DAB1: variants seen among roughly 807,000 people sequenced by gnomAD.
DAB1 encodes disabled homolog 1.
In DAB1, 15 loss-of-function variants were observed where a neutral mutation model predicts 64.6. That is an observed-to-expected ratio of 0.23 (90% confidence interval 0.16 to 0.36). The LOEUF is 0.36. DAB1 is among the 10% of genes least tolerant of loss of function. The pLI is 1.00. For synonymous variants in DAB1, 235 were observed against 251.9 expected (o/e 0.93, Z 0.64); for missense variants, 596 against 706.7 (o/e 0.84, Z 1.78).
At chr1:58,006,913 C>T (rs1038789113) in intron 5 of DAB1, among the ~76,000 whole-genome samples, 1 of 152,166 alleles carries the variant, frequency 6.6e-6, no homozygotes, top group Non-Finnish European at 1.5e-5. Context: ...CTTAATGATG[C>T]CATTCTGCTT....
chr1:57,978,913 A>G (rs1645991730), intron 5 of DAB1, among the ~76,000 whole-genome samples: 1 of 152,152 alleles, frequency 6.6e-6, no homozygotes, highest in Non-Finnish European at 1.5e-5. Flanking sequence ...TCAGGAAACA[A>G]CAGATGCTGG....
intron 4 of DAB1, among the ~76,000 whole-genome samples, chr1:58,204,938 C>G (rs557907888): frequency 6.6e-6 from 1 of 152,306 alleles, no homozygotes; most frequent in African/African-American, 2.4e-5. Flanking sequence ...ATATTAATAA[C>G]TAACATCAGC....
intron 4 of DAB1, among the ~76,000 whole-genome samples, chr1:57,092,807 C>G (rs1459498249): frequency 6.6e-6 from 1 of 151,918 alleles, no homozygotes; most frequent in African/African-American, 2.4e-5. Flanking sequence ...GTCCAAGTAC[C>G]TATATTCTGA....
At chr1:58,344,376 T>G (rs1643971235) in intron 3 of DAB1, among the ~76,000 whole-genome samples, 1 of 152,118 alleles carries the variant, frequency 6.6e-6, no homozygotes, top group South Asian at 2.1e-4. Context: ...TTGCTGACAA[T>G]CACTTCATTT....
chr1:57,844,535 C>A (rs1027578025), intron 1 of DAB1, among the ~76,000 whole-genome samples: 5 of 152,162 alleles, frequency 3.3e-5, no homozygotes, highest in Non-Finnish European at 7.3e-5. Flanking sequence ...AAGACGTCTG[C>A]CAGAGTGATT....
At chr1:57,389,767 G>C (rs1682191095) in intron 1 of DAB1, among the ~76,000 whole-genome samples, 1 of 152,048 alleles carries the variant, frequency 6.6e-6, no homozygotes, top group African/African-American at 2.4e-5. Flanking sequence ...AAATGTATCT[G>C]GCAGGTCACT....
At chr1:58,540,197 C>T (rs1016533544) in intron 1 of DAB1, among the ~76,000 whole-genome samples, 6 of 151,666 alleles carry the variant, frequency 4.0e-5, no homozygotes, top group Non-Finnish European at 7.4e-5. Context: ...AGTCTGAGAC[C>T]GAAAGCTGCT....
chr1:57,498,530 T>C (rs1644255082), intron 7 of DAB1, among the ~76,000 whole-genome samples: 1 of 152,122 alleles, frequency 6.6e-6, no homozygotes. Context: ...AATGCCAACA[T>C]GGCACAGTGG....
At chr1:57,961,132 G>A (rs1645510361) in intron 5 of DAB1, among the ~76,000 whole-genome samples, 1 of 152,104 alleles carries the variant, frequency 6.6e-6, no homozygotes, top group Non-Finnish European at 1.5e-5. Context: ...GCAAAGTCCT[G>A]GTATTTAGGA....
intron 7 of DAB1, among the ~76,000 whole-genome samples, chr1:57,491,157 G>A (rs972512825): frequency 5.9e-5 from 9 of 152,138 alleles, no homozygotes; most frequent in Admixed American, 3.9e-4. Flanking sequence ...GGCTGGGCGC[G>A]GTGGCTCACG....
intron 7 of DAB1, among the ~76,000 whole-genome samples, chr1:57,443,401 T>C (rs907335548): frequency 6.6e-6 from 1 of 152,194 alleles, no homozygotes; most frequent in African/African-American, 2.4e-5. Flanking sequence ...CTCTTCAAGG[T>C]TTCTCCTTGC....
chr1:57,909,512 A>G (rs1298457462), intron 5 of DAB1, among the ~76,000 whole-genome samples: 2 of 152,242 alleles, frequency 1.3e-5, no homozygotes, highest in Non-Finnish European at 2.9e-5. Context: ...GAACTTAAAA[A>G]GTGAACAGAA....
rs77125047 is a variant in DAB1, at chr1:57,301,777, C to T, written c.-136-10611G>A. On this transcript the variant is annotated intron_variant, in intron 1 of 14. Coordinates refer to ENST00000371236, the MANE Select transcript of DAB1 (RefSeq NM_001365792.1). ...GATGACCCCAAGCTGCTCCACTTCACGAGTGCCCTGGGCAGGGACTCATCC... is the reference window on the plus strand; with the variant it reads ...GATGACCCCAAGCTGCTCCACTTCATGAGTGCCCTGGGCAGGGACTCATCC... 1.8e-3 allele frequency among the ~76,000 whole-genome samples: 280 copies of T among 152,306 alleles called. 1 individual carries two copies. The highest frequency in any genetic ancestry group is 3.2e-3 in the Non-Finnish European group (216 of 68,030).
chr1:58,221,522 C>T (rs532530733), intron 4 of DAB1, among the ~76,000 whole-genome samples: 1 of 152,308 alleles, frequency 6.6e-6, no homozygotes, highest in African/African-American at 2.4e-5. Flanking sequence ...CAGAAAACAT[C>T]CCCAGCACAT....
intron 3 of DAB1, among the ~76,000 whole-genome samples, chr1:58,484,984 CATTAT>C (rs1645549456): frequency 1.3e-5 from 2 of 151,932 alleles, no homozygotes; most frequent in Admixed American, 1.3e-4. Context: ...GGATACATGT[CATTAT>C]ACATTTGTCA....
At chr1:58,027,918 G>C (rs1295877797) in intron 5 of DAB1, among the ~76,000 whole-genome samples, 3 of 152,162 alleles carry the variant, frequency 2.0e-5, no homozygotes, top group Non-Finnish European at 2.9e-5. Flanking sequence ...ATTCCTCCTA[G>C]ATATAGCCTG....
At chr1:57,675,134 G>T (rs1185497029) in intron 6 of DAB1, among the ~76,000 whole-genome samples, 1 of 152,214 alleles carries the variant, frequency 6.6e-6, no homozygotes, top group Non-Finnish European at 1.5e-5. Context: ...ACATGGAACA[G>T]TCTCTGTTCC....
chr1:57,241,498 T>C (rs1668492387), intron 2 of DAB1, among the ~76,000 whole-genome samples: 1 of 152,180 alleles, frequency 6.6e-6, no homozygotes, highest in Non-Finnish European at 1.5e-5. Context: ...GGGCCTAGAA[T>C]TGATCACGTT....
At chr1:57,455,984 T>G (rs2101165877) in intron 7 of DAB1, among the ~76,000 whole-genome samples, 1 of 152,296 alleles carries the variant, frequency 6.6e-6, no homozygotes, top group Non-Finnish European at 1.5e-5. Context: ...CAATAAACAT[T>G]TATTGAATAT....
Sources: allele counts gnomAD v4.1 joint callset (sites outside exome capture counted in the v4.1 genomes callset), GRCh38; gene constraint gnomAD v4.1.1; transcripts MANE v1.5; gene names NCBI Gene and HGNC (gene_info 2026-07-23, HGNC 2026-07-21).